Variants in DGKB observed in about 807,000 individuals in gnomAD.
DGKB encodes the protein diacylglycerol kinase beta, also known as 90 kDa diacylglycerol kinase.
A neutral mutation model predicts 114.3 loss-of-function variants in DGKB; 67 were observed. The observed-to-expected ratio is 0.59, with a 90% confidence interval of 0.48 to 0.72. The LOEUF (loss-of-function observed/expected upper bound fraction) is 0.72, where lower values mean the gene tolerates loss of function less well. Among genes scored for constraint, DGKB ranks in the 30% least tolerant of loss-of-function variants. The probability of loss-of-function intolerance (pLI) is 0.00; values close to 1 mark genes in which losing one functional copy is unlikely to be tolerated. For synonymous variants in DGKB, 398 were observed against 323.1 expected, an observed-to-expected ratio of 1.23 and a Z score of -2.49; for missense variants, 907 against 975.2, an observed-to-expected ratio of 0.93 and a Z score of 0.93.
chr7:14,682,721 C>T (rs1428279794), intron 11 of DGKB, 32 bp downstream of exon 11: 1 of 1,608,060 alleles, frequency 6.2e-7, no homozygotes, highest in Non-Finnish European at 8.5e-7. Context: ...ATAATGGCCA[C>T]CTTCAGAAAG....
intron 21 of DGKB, among the ~76,000 whole-genome samples, chr7:14,414,714 G>T (rs1321413035): frequency 1.3e-5 from 2 of 151,864 alleles, no homozygotes; most frequent in Admixed American, 1.3e-4. Flanking sequence ...TTTTTTTGTA[G>T]GTCCTGTGTA....
chr7:14,777,699 G>A (rs924831089), intron 2 of DGKB, among the ~76,000 whole-genome samples: 4 of 152,098 alleles, frequency 2.6e-5, no homozygotes, highest in Admixed American at 2.6e-4. Flanking sequence ...AAATTACACA[G>A]TCTCAGGTAT....
intron 21 of DGKB, among the ~76,000 whole-genome samples, chr7:14,379,960 T>C (rs1819176658): frequency 1.3e-5 from 2 of 151,636 alleles, no homozygotes; most frequent in Non-Finnish European, 1.5e-5. Flanking sequence ...AATACAATAA[T>C]TCCTCTTCTA....
intron 21 of DGKB, among the ~76,000 whole-genome samples, chr7:14,443,399 G>A (rs540431707): frequency 2.0e-5 from 3 of 151,814 alleles, no homozygotes; most frequent in African/African-American, 7.2e-5. Context: ...TTTTATTCTG[G>A]GCAAAAATAA....
At chr7:14,966,956 A>G (rs1787191286) in intron 1 of DGKB, among the ~76,000 whole-genome samples, 1 of 152,184 alleles carries the variant, frequency 6.6e-6, no homozygotes, top group Non-Finnish European at 1.5e-5. Flanking sequence ...AGGAAATATT[A>G]TGCATGAATT....
At chr7:14,272,628 T>C (rs1047788690) in intron 23 of DGKB, among the ~76,000 whole-genome samples, 7 of 152,222 alleles carry the variant, frequency 4.6e-5, no homozygotes, top group East Asian at 3.9e-4. Flanking sequence ...GTCACTCTAC[T>C]TTTTTTGCTT....
intron 8 of DGKB, among the ~76,000 whole-genome samples, chr7:14,694,666 C>A (rs1427378323): frequency 2.6e-5 from 4 of 152,080 alleles, no homozygotes; most frequent in Admixed American, 6.5e-5. Flanking sequence ...AGGATCAAAT[C>A]AAGTTTAATT....
intron 20 of DGKB, among the ~76,000 whole-genome samples, chr7:14,523,042 A>G (rs1304976001): frequency 1.3e-5 from 2 of 152,162 alleles, no homozygotes; most frequent in Admixed American, 1.3e-4. Context: ...AGAGGATTCA[A>G]AAGTATACTT....
intron 1 of DGKB, among the ~76,000 whole-genome samples, chr7:14,891,722 A>G (rs1781255251): frequency 6.6e-6 from 1 of 150,928 alleles, no homozygotes; most frequent in Non-Finnish European, 1.5e-5. Context: ...TACCCAAAAT[A>G]AAAATAAATG....
chr7:14,190,146 A>C (rs1160330203), intron 23 of DGKB, among the ~76,000 whole-genome samples: 1 of 152,172 alleles, frequency 6.6e-6, no homozygotes, highest in Non-Finnish European at 1.5e-5. Context: ...ATCACATATT[A>C]GGCCACAAAA....
Position 14,178,169 on chromosome 7 carries a change from C to T in DGKB, c.2123-18G>A, listed in dbSNP as rs757841977. Reference sequence around the variant, plus strand: ...ACTGAGATCTGAAAGAAAGTAGATGCCTTTTAAGTTGCAATGTGTATACAT... The same window carrying T: ...ACTGAGATCTGAAAGAAAGTAGATGTCTTTTAAGTTGCAATGTGTATACAT... On this transcript the variant is annotated intron_variant, in intron 23 of 25. Coordinates refer to ENST00000402815, the MANE Select transcript of DGKB (RefSeq NM_001350709.2). 3 of 1,612,626 alleles carry T rather than the reference C, an allele frequency of 1.9e-6. No homozygotes were observed. In the East Asian group the frequency reaches 6.7e-5, roughly 36 times the overall value.
At chr7:14,348,127 T>G (rs182554961) in intron 21 of DGKB, among the ~76,000 whole-genome samples, 1 of 152,042 alleles carries the variant, frequency 6.6e-6, no homozygotes, top group Admixed American at 6.6e-5. Context: ...GGTTCCCTCA[T>G]GTTGCTCTTT....
At chr7:14,270,913 A>C (rs182643778) in intron 23 of DGKB, among the ~76,000 whole-genome samples, 1 of 152,314 alleles carries the variant, frequency 6.6e-6, no homozygotes, top group African/African-American at 2.4e-5. Context: ...GAAGAGAGAA[A>C]ACTTAAACAT....
At position 14,580,257 on chromosome 7, in the gene DGKB, C is replaced by A. The variant is rs149691169; in HGVS notation, c.1609+605G>T. Among the ~76,000 whole-genome samples, 647 of 152,232 alleles carry A rather than the reference C, an allele frequency of 4.3e-3. 6 individuals are homozygous for A. The highest frequency in any genetic ancestry group is 0.015 in the African/African-American group (631 of 41,540). ...GTCATTATCTAGCTAGCAGTTTTTT[C>A]TTCTATGTCATATCCTCAGTGAGGT... On this transcript the variant is annotated intron_variant, in intron 19 of 25. Coordinates refer to ENST00000402815, the MANE Select transcript of DGKB (RefSeq NM_001350709.2).
In DGKB at chr7:14,145,203, A is replaced by G. The variant is rs538159985; in HGVS notation, c.*3928T>C. On this transcript the variant is annotated 3_prime_UTR_variant, in exon 26 of 26. Coordinates refer to ENST00000402815, the MANE Select transcript of DGKB (RefSeq NM_001350709.2). ...GAGTTTACTCAAACTTTATTTAAAT[A>G]TAGCAGAATTTAATTGGGAGTTTTA... The G allele has an allele frequency of 6.6e-6, 1 of 152,324 alleles. No homozygotes were observed. Among genetic ancestry groups the G allele is most frequent in the African/African-American group, 2.4e-5 (1 of 41,586 alleles). 9.4% of individuals were successfully genotyped at this position (152,324 alleles called of 1,614,324 possible). A position where few individuals can be genotyped will look rare whatever the true frequency, so the allele number is the denominator to read the frequency against.
intron 13 of DGKB, among the ~76,000 whole-genome samples, chr7:14,645,449 C>T (rs1211892512): frequency 2.0e-5 from 3 of 151,746 alleles, no homozygotes; most frequent in Non-Finnish European, 2.9e-5. Context: ...CTGGGTGCCA[C>T]CTTCTCCTGC....
intron 20 of DGKB, among the ~76,000 whole-genome samples, chr7:14,533,462 A>G (rs541235132): frequency 7.9e-5 from 12 of 151,830 alleles, no homozygotes; most frequent in Admixed American, 3.3e-4. Context: ...AAGAGATAAG[A>G]AAAGGGAAGA....
chr7:14,770,053 C>A (rs2128470079), intron 2 of DGKB, among the ~76,000 whole-genome samples: 1 of 152,204 alleles, frequency 6.6e-6, no homozygotes, highest in Admixed American at 6.6e-5. Context: ...TAATTGAACT[C>A]AGTAGGCAAA....
At chr7:14,558,328 ATCT>A (rs1167017300) in intron 20 of DGKB, among the ~76,000 whole-genome samples, 12 of 152,058 alleles carry the variant, frequency 7.9e-5, no homozygotes, top group South Asian at 2.1e-4. Context: ...AAGTTTATAA[ATCT>A]TCTTCTGAGG....
Sources: gnomAD v4.1 joint callset for allele counts (sites outside exome capture counted in the v4.1 genomes callset) on GRCh38, gnomAD v4.1.1 for gene constraint, MANE v1.5 for transcripts, NCBI Gene and HGNC (gene_info 2026-07-23, HGNC 2026-07-21) for gene names.